NCKAP5: variants seen among roughly 807,000 people sequenced by gnomAD.
The protein encoded by NCKAP5 is nck-associated protein 5.
NCKAP5 carries 92 observed loss-of-function variants against 167.0 expected under a neutral mutation model. The observed-to-expected ratio is 0.55, with a 90% CI of 0.47 to 0.66. The LOEUF (loss-of-function observed/expected upper bound fraction) is 0.66. Among genes scored for constraint, NCKAP5 ranks in the 30% least tolerant of loss-of-function variants. The pLI is 0.00. For missense variants in NCKAP5, 2,378 were observed against 2,315.0 expected (o/e 1.03, Z -0.56); for synonymous variants, 891 against 877.4 (o/e 1.02, Z -0.27).
chr2:133,543,624 C>T (rs11684591), intron 2 of NCKAP5, among the ~76,000 whole-genome samples: 41,569 of 152,086 alleles, frequency 0.27, 6,211 homozygotes, highest in East Asian at 0.37. Flanking sequence ...AGCATTGTGG[C>T]CCCAGGCCTT....
chr2:133,155,021 C>A (rs965749778), intron 5 of NCKAP5, among the ~76,000 whole-genome samples: 1 of 152,176 alleles, frequency 6.6e-6, no homozygotes, highest in East Asian at 1.9e-4. Flanking sequence ...AGGTTTGAAC[C>A]ATTATGCCTA....
At chr2:133,155,529 T>A (rs1165949799) in intron 5 of NCKAP5, among the ~76,000 whole-genome samples, 1 of 152,214 alleles carries the variant, frequency 6.6e-6, no homozygotes, top group Non-Finnish European at 1.5e-5. Flanking sequence ...GGTGACCCAC[T>A]CTACAAGACT....
chr2:133,192,320 T>C (rs756550687), intron 5 of NCKAP5, among the ~76,000 whole-genome samples: 5 of 152,022 alleles, frequency 3.3e-5, no homozygotes, highest in Non-Finnish European at 5.9e-5. Context: ...TTTTAGAAAA[T>C]AGGAGAAAAT....
At chr2:133,197,977 A>G (rs969443703) in intron 5 of NCKAP5, among the ~76,000 whole-genome samples, 1 of 152,172 alleles carries the variant, frequency 6.6e-6, no homozygotes, top group African/African-American at 2.4e-5. Context: ...CTCTTGAAAA[A>G]GCGGAAAGAT....
At chr2:133,305,589 T>C (rs549058522) in intron 3 of NCKAP5, among the ~76,000 whole-genome samples, 2 of 152,326 alleles carry the variant, frequency 1.3e-5, no homozygotes, top group East Asian at 1.9e-4. Flanking sequence ...GTTCTTAGGT[T>C]ATACACACTA....
At chr2:133,494,258 A>G (rs940699751) in intron 3 of NCKAP5, among the ~76,000 whole-genome samples, 3 of 152,176 alleles carry the variant, frequency 2.0e-5, no homozygotes, top group Non-Finnish European at 2.9e-5. Context: ...TACCAACAAC[A>G]CTGCTATCAA....
At chr2:133,137,810 T>C (rs570511715) in intron 5 of NCKAP5, among the ~76,000 whole-genome samples, 37 of 152,350 alleles carry the variant, frequency 2.4e-4, no homozygotes, top group African/African-American at 8.9e-4. Flanking sequence ...CAAAGGATTC[T>C]TAGCAAAGCA....
At chr2:132,762,142 G>A (rs775429491) in intron 16 of NCKAP5, among the ~76,000 whole-genome samples, 2 of 152,012 alleles carry the variant, frequency 1.3e-5, no homozygotes, top group East Asian at 1.9e-4. Flanking sequence ...TTCAAATAGC[G>A]ACCATCACAC....
chr2:133,217,969 G>C (rs536712922), intron 4 of NCKAP5, among the ~76,000 whole-genome samples: 1 of 152,154 alleles, frequency 6.6e-6, no homozygotes, highest in South Asian at 2.1e-4. Flanking sequence ...CTTCAACAGA[G>C]TAAATTCCTA....
chr2:132,945,469 A>G (rs532686166), intron 8 of NCKAP5, among the ~76,000 whole-genome samples: 10 of 152,246 alleles, frequency 6.6e-5, no homozygotes, highest in African/African-American at 2.2e-4. Context: ...GTCATATCCC[A>G]ACAGCTGGAT....
At chr2:133,150,415 G>A (rs945424436) in intron 5 of NCKAP5, among the ~76,000 whole-genome samples, 1 of 152,118 alleles carries the variant, frequency 6.6e-6, no homozygotes, top group African/African-American at 2.4e-5. Context: ...ATATACTGAA[G>A]ATAAGGGGGA....
intron 4 of NCKAP5, among the ~76,000 whole-genome samples, chr2:133,245,708 G>C (rs2087943888): frequency 6.6e-6 from 1 of 151,862 alleles, no homozygotes; most frequent in African/African-American, 2.4e-5. Context: ...AAACATAGAG[G>C]AAAAACAGGA....
chr2:133,663,215 G>A, the NCKAP5 span, among the ~76,000 whole-genome samples: 5 of 150,638 alleles, frequency 3.3e-5, no homozygotes, highest in African/African-American at 1.2e-4. Flanking sequence ...GCAGTGAGCC[G>A]AGATTGCGCC....
Position 132,786,659 on chromosome 2 carries a change from GA to G in NCKAP5, c.1093-942del, listed in dbSNP as rs946172484. On this transcript the variant is annotated intron_variant, in intron 13 of 19. Transcript: ENST00000409261. ...TATTGCTAATAAGAAATGGAAGGGG[GA>G]AAAAAAAAAGCTAACATTTACTGAG... Among the ~76,000 whole-genome samples the G allele has an allele frequency of 4.7e-4, 69 of 147,130 alleles. No individual in the cohort carries two copies. In the East Asian group the frequency reaches 4.7e-3, roughly 10 times the overall value.
At chr2:133,347,028 A>T (rs966679840) in intron 3 of NCKAP5, among the ~76,000 whole-genome samples, 2 of 152,238 alleles carry the variant, frequency 1.3e-5, no homozygotes, top group African/African-American at 4.8e-5. Flanking sequence ...CCAAAGGTTG[A>T]CAGCCACCTG....
chr2:133,531,269 TAATA>T (rs1384204738), intron 2 of NCKAP5, among the ~76,000 whole-genome samples: 1 of 152,190 alleles, frequency 6.6e-6, no homozygotes, highest in Non-Finnish European at 1.5e-5. Context: ...GTTATTGCAT[TAATA>T]AATTACTTCA....
chr2:133,262,956 C>A (rs575810744), intron 4 of NCKAP5, among the ~76,000 whole-genome samples: 1 of 152,294 alleles, frequency 6.6e-6, no homozygotes, highest in African/African-American at 2.4e-5. Flanking sequence ...GTGCTCTTAA[C>A]TTTCCCTGCT....
intron 3 of NCKAP5, among the ~76,000 whole-genome samples, chr2:133,404,212 C>T (rs566751203): frequency 1.3e-4 from 20 of 152,292 alleles, no homozygotes; most frequent in African/African-American, 4.6e-4. Context: ...AACATTTGGG[C>T]TCCCTGTCCT....
chr2:133,527,558 T>A (rs937553822), intron 2 of NCKAP5, among the ~76,000 whole-genome samples: 1 of 151,894 alleles, frequency 6.6e-6, no homozygotes, highest in Non-Finnish European at 1.5e-5. Context: ...GATTAAACTT[T>A]AAAACCAATT....
Sources: allele counts gnomAD v4.1 joint callset (sites outside exome capture counted in the v4.1 genomes callset), GRCh38; gene constraint gnomAD v4.1.1; transcripts MANE v1.5; gene names NCBI Gene and HGNC (gene_info 2026-07-23, HGNC 2026-07-21).